Variants in SPECC1L observed in about 807,000 individuals in gnomAD.
The protein encoded by SPECC1L is cytospin-A.
SPECC1L carries 40 observed loss-of-function variants against 116.8 expected under a neutral mutation model. That is an observed-to-expected ratio of 0.34 (90% CI 0.27 to 0.45). The LOEUF (loss-of-function observed/expected upper bound fraction) is 0.45, where lower values mean the gene tolerates loss of function less well. Among genes scored for constraint, SPECC1L ranks in the 20% least tolerant of loss-of-function variants. SPECC1L has a pLI of 1.00. For missense variants in SPECC1L, 1,110 were observed against 1,373.6 expected, an observed-to-expected ratio of 0.81 and a Z score of 3.03; for synonymous variants, 504 against 500.6, an observed-to-expected ratio of 1.01 and a Z score of -0.09.
At chr22:24,301,489 A>G (rs536211420) in intron 2 of SPECC1L, among the ~76,000 whole-genome samples, 2 of 152,310 alleles carry the variant, frequency 1.3e-5, no homozygotes, top group African/African-American at 4.8e-5. Context: ...CCTACCTTAA[A>G]CATGGTCGGA....
intron 11 of SPECC1L, among the ~76,000 whole-genome samples, chr22:24,362,147 C>T (rs1321689046): frequency 1.3e-5 from 2 of 152,210 alleles, no homozygotes; most frequent in Non-Finnish European, 2.9e-5. Flanking sequence ...TTGTGACTGC[C>T]TCTCTGTGTC....
Position 24,342,189 on chromosome 22 carries a change from T to C in SPECC1L, c.2652+3712T>C, listed in dbSNP as rs566728660. ...GACTCCATCATAATCTGGCATGCAA[T>C]AAAAAATTACTAGACAATGAAGAAG... is the stretch of plus-strand genomic sequence containing the variant. On this transcript the variant is annotated intron_variant, in intron 10 of 16. Coordinates refer to ENST00000314328, the MANE Select transcript of SPECC1L (RefSeq NM_015330.6). Among the ~76,000 whole-genome samples the C allele has an allele frequency of 3.3e-5, 5 of 152,228 alleles. No homozygotes were observed. The South Asian group carries it at 1.0e-3, about 32-fold the overall frequency.
In SPECC1L at chr22:24,324,372, A is replaced by G. The variant is rs765870412; in HGVS notation, c.2091A>G (p.Val697=). ...CCATCTTTGAACTTGAAGATGAAGTAGAACAACATCGTGCTGTGAAACTTC... is the reference window on the plus strand; with the variant it reads ...CCATCTTTGAACTTGAAGATGAAGTGGAACAACATCGTGCTGTGAAACTTC... ...KETIFELEDE[V]EQHRAVKLHD... Residue 697 remains valine, a synonymous_variant, in exon 6 of 17, where the codon GTA becomes GTG. Transcript: ENST00000314328. 5 of 1,614,206 alleles carry G rather than the reference A, an allele frequency of 3.1e-6. No individual in the cohort carries two copies. In the South Asian group the frequency reaches 5.5e-5, roughly 18 times the overall value.
intron 6 of SPECC1L, 120 bp from the exon 7 acceptor site, chr22:24,328,726 T>G: frequency 1.5e-6 from 1 of 681,836 alleles, no homozygotes; most frequent in Non-Finnish European, 2.5e-6. Flanking sequence ...TTAAAATTTT[T>G]TATAGTCTTT....
intron 2 of SPECC1L, among the ~76,000 whole-genome samples, chr22:24,277,456 G>A (rs539556448): frequency 0.041 from 6,255 of 152,070 alleles, 384 homozygotes; most frequent in African/African-American, 0.14. Flanking sequence ...ACAAAGTTAT[G>A]CATTGATCAC....
At chr22:24,295,096 TAGCTTTGGGCAGGGCTCCCAG>T (rs1465643439) in intron 2 of SPECC1L, among the ~76,000 whole-genome samples, 18 of 151,204 alleles carry the variant, frequency 1.2e-4, no homozygotes, top group Admixed American at 1.2e-3. Flanking sequence ...AATGTGTAAT[TAGCTTTGGGCAGGGCTCCCAG>T]AGCTGTGAAC....
At position 24,395,663 on chromosome 22, in the gene SPECC1L, A is replaced by C. The variant is rs1248248173; in HGVS notation, c.3088-15925A>C. On this transcript the variant is annotated intron_variant, in intron 14 of 16. Coordinates refer to ENST00000314328, the MANE Select transcript of SPECC1L (RefSeq NM_015330.6). Reference sequence around the variant, plus strand: ...ATTTTTTTTTCTCTTTTTCAGACAGAATCTTGCTCTGTCTCCCAGGCTGGA... The same window carrying C: ...ATTTTTTTTTCTCTTTTTCAGACAGCATCTTGCTCTGTCTCCCAGGCTGGA... Among the ~76,000 whole-genome samples, 8 of 152,292 alleles carry C rather than the reference A, an allele frequency of 5.3e-5. No homozygotes were observed. The East Asian group carries it at 1.5e-3, about 29-fold the overall frequency.
intron 8 of SPECC1L, 85 bp downstream of exon 8, chr22:24,330,516 ATG>A: frequency 6.8e-7 from 1 of 1,469,468 alleles, no homozygotes; most frequent in Non-Finnish European, 9.5e-7. Context: ...TATGGAAAAA[ATG>A]TGGAGTTTGA....
At chr22:24,394,128 C>A (rs1041638550) in intron 14 of SPECC1L, among the ~76,000 whole-genome samples, 1 of 152,158 alleles carries the variant, frequency 6.6e-6, no homozygotes, top group Non-Finnish European at 1.5e-5. Context: ...TTATTGTAAG[C>A]AAAACTCCTA....
chr22:24,379,738 A>C (rs1166800980), intron 14 of SPECC1L, among the ~76,000 whole-genome samples: 1 of 152,232 alleles, frequency 6.6e-6, no homozygotes, highest in East Asian at 1.9e-4. Context: ...GGCTTGTGGG[A>C]GGCAGTTGGC....
chr22:24,336,484 C>G (rs1476358625), intron 9 of SPECC1L, among the ~76,000 whole-genome samples: 1 of 151,970 alleles, frequency 6.6e-6, no homozygotes, highest in Non-Finnish European at 1.5e-5. Flanking sequence ...GCCTGTAGTT[C>G]CAACTACTTA....
Position 24,302,276 on chromosome 22 carries a change from T to C in SPECC1L, c.45T>C (p.Ser15=), listed in dbSNP as rs202073203. The stretch of plus-strand genomic sequence containing the variant: ...GTGTTGGCTCAGTGCCTAAAGTGTC[T>C]GCAATAAGTAAAACGCAAACAGCAG... ...SRSVGSVPKV[S]AISKTQTAEK... The change falls in exon 3 of 17, where the codon TCT becomes TCC. Residue 15 remains serine, a synonymous_variant. Transcript: ENST00000314328. 5.9e-4 allele frequency: 945 copies of C among 1,614,118 alleles called. 12 individuals carry two copies. In the South Asian group the frequency reaches 9.4e-3, roughly 16 times the overall value.
chr22:24,410,442 C>T (rs1219457920), intron 14 of SPECC1L, among the ~76,000 whole-genome samples: 1 of 152,196 alleles, frequency 6.6e-6, no homozygotes, highest in East Asian at 1.9e-4. Context: ...TCCTGTGCCC[C>T]ATGCTTCTTT....
chr22:24,292,005 G>A (rs1367337606), intron 2 of SPECC1L, among the ~76,000 whole-genome samples: 2 of 152,128 alleles, frequency 1.3e-5, no homozygotes, highest in Non-Finnish European at 2.9e-5. Context: ...GTGAATAGGA[G>A]GAACTGAAAG....
chr22:24,399,526 G>A (rs937291062), intron 14 of SPECC1L, among the ~76,000 whole-genome samples: 3 of 151,988 alleles, frequency 2.0e-5, no homozygotes, highest in South Asian at 2.1e-4. Flanking sequence ...GCTGAGATCC[G>A]CGCCACTGCA....
At chr22:24,300,660 G>T (rs2049359200) in intron 2 of SPECC1L, among the ~76,000 whole-genome samples, 1 of 152,102 alleles carries the variant, frequency 6.6e-6, no homozygotes, top group Non-Finnish European at 1.5e-5. Flanking sequence ...TTTAATCATT[G>T]CAATTCTGAC....
Position 24,321,526 on chromosome 22 carries a change from G to GGCCAAAGTGAAGGATCTTCTCAC in SPECC1L, c.549_571dup (p.Leu191ProfsTer3). On this transcript the variant is annotated frameshift_variant, in exon 5 of 17. Coordinates refer to ENST00000314328, the MANE Select transcript of SPECC1L (RefSeq NM_015330.6). LOFTEE classifies it high-confidence loss of function. ...AGATCAGTGACAGAGCTGCTTTGGA[G>GGCCAAAGTGAAGGATCTTCTCAC]GCCAAAGTGAAGGATCTTCTCACGC... 1 of 1,614,206 alleles carries GGCCAAAGTGAAGGATCTTCTCAC rather than the reference G, an allele frequency of 6.2e-7. No homozygotes were observed. The highest frequency in any genetic ancestry group is 8.5e-7 in the Non-Finnish European group (1 of 1,180,050).
Position 24,383,792 on chromosome 22 carries a change from A to ATTTT in SPECC1L, c.3087+14509_3087+14512dup, listed in dbSNP as rs538972717. ...GCTGGGATTACAGGCACCCACCACTATTTTTTTTTTTTTTTTTTTTTTTTT... is the reference window on the plus strand; with the variant it reads ...GCTGGGATTACAGGCACCCACCACTATTTTTTTTTTTTTTTTTTTTTTTTTTTTT... On this transcript the variant is annotated intron_variant, in intron 14 of 16. Transcript: ENST00000314328. 6.2e-4 allele frequency among the ~76,000 whole-genome samples: 48 copies of ATTTT among 77,326 alleles called. 5 individuals are homozygous for ATTTT. The highest frequency in any genetic ancestry group is 7.2e-4 in the African/African-American group (11 of 15,328). 50.7% of individuals were successfully genotyped at this position (77,326 alleles called of 152,430 possible). A position where few individuals can be genotyped will look rare whatever the true frequency, so the allele number is the denominator to read the frequency against.
At chr22:24,375,123 A>G (rs1253689314) in intron 14 of SPECC1L, among the ~76,000 whole-genome samples, 1 of 152,176 alleles carries the variant, frequency 6.6e-6, no homozygotes, top group East Asian at 1.9e-4. Context: ...ATCAAAATGG[A>G]CTCAAGAAGC....
Sources: gnomAD v4.1 joint callset for allele counts (sites outside exome capture counted in the v4.1 genomes callset) on GRCh38, gnomAD v4.1.1 for gene constraint, MANE v1.5 for transcripts, NCBI Gene and HGNC (gene_info 2026-07-23, HGNC 2026-07-21) for gene names.